TEAD1: variants seen among roughly 807,000 people sequenced by gnomAD.
The protein encoded by TEAD1 is transcriptional enhancer factor TEF-1.
Under a neutral mutation model 54.9 loss-of-function variants are expected in TEAD1, and 9 were observed. The ratio of observed to expected loss-of-function variants is 0.16; its 90% CI spans 0.10 to 0.29. TEAD1 has a LOEUF of 0.29. Among genes scored for constraint, TEAD1 ranks in the 10% least tolerant of loss-of-function variants. TEAD1 has a pLI of 1.00. For synonymous variants in TEAD1, 200 were observed against 187.8 expected (o/e 1.07, Z -0.53); for missense variants, 387 against 535.9 (o/e 0.72, Z 2.74).
chr11:12,706,099 A>G (rs192541673), intron 2 of TEAD1, among the ~76,000 whole-genome samples: 7 of 152,354 alleles, frequency 4.6e-5, no homozygotes. Context: ...ATGCAAAACA[A>G]AATAAATTTG....
intron 4 of TEAD1, among the ~76,000 whole-genome samples, chr11:12,864,357 C>G (rs1034000528): frequency 5.3e-5 from 8 of 152,206 alleles, no homozygotes; most frequent in African/African-American, 1.9e-4. Context: ...AACAGCCCCT[C>G]TCATCCCTCC....
intron 3 of TEAD1, among the ~76,000 whole-genome samples, chr11:12,857,578 C>CTCTCTGTGTGTG (rs1343843895): frequency 4.8e-5 from 7 of 145,750 alleles, no homozygotes; most frequent in African/African-American, 1.8e-4. Context: ...CTCTCTGTCT[C>CTCTCTGTGTGTG]TGTGTGTGTG....
intron 3 of TEAD1, among the ~76,000 whole-genome samples, chr11:12,840,885 A>T (rs1449245349): frequency 6.6e-6 from 1 of 152,064 alleles, no homozygotes; most frequent in Non-Finnish European, 1.5e-5. Flanking sequence ...TTATAGGGAG[A>T]GTTGTACTGG....
rs541836336 is a variant in TEAD1 at position 12,775,301 on chromosome 11, G to T, written c.202+10867G>T. ...TGGAAGGGACTGTTGCTGGGCAGAG[G>T]TTCATCAGGCCTCCCTCACAGTGGC... On this transcript the variant is annotated intron_variant, in intron 3 of 12. Transcript: ENST00000527636. 2.0e-5 allele frequency among the ~76,000 whole-genome samples: 3 copies of T among 152,270 alleles called. No individual in the cohort carries two copies. The East Asian group carries it at 5.8e-4, about 29-fold the overall frequency.
chr11:12,694,615 G>T (rs2133829229), intron 2 of TEAD1, among the ~76,000 whole-genome samples: 1 of 152,262 alleles, frequency 6.6e-6, no homozygotes, highest in South Asian at 2.1e-4. Flanking sequence ...AGTTGGGTTG[G>T]TGTTTCTGTG....
At position 12,901,993 on chromosome 11, in the gene TEAD1, C is replaced by G; in HGVS notation, c.753C>G (p.Asp251Glu). 1 of 1,614,210 alleles carries G rather than the reference C, an allele frequency of 6.2e-7. No homozygotes were observed. Among genetic ancestry groups the G allele is most frequent in the Non-Finnish European group, 8.5e-7 (1 of 1,180,040 alleles). Residue 251 changes from aspartate to glutamate, a missense_variant, in exon 10 of 13, where the codon GAC becomes GAG. Physicochemically the swap from Asp to Glu is conservative, Grantham distance 45. Coordinates refer to ENST00000527636, the MANE Select transcript of TEAD1 (RefSeq NM_021961.6). ...GGCATGCCAACCATTCTTACAGTGA[C>G]CCATTGCTTGAATCAGTGGACATTC...
At chr11:12,803,232 T>C (rs1946100454) in intron 3 of TEAD1, among the ~76,000 whole-genome samples, 1 of 152,106 alleles carries the variant, frequency 6.6e-6, no homozygotes, top group Non-Finnish European at 1.5e-5. Flanking sequence ...TACATTTCCA[T>C]GATTAGTCAT....
At chr11:12,927,301 T>C (rs563257544) in intron 11 of TEAD1, among the ~76,000 whole-genome samples, 121 of 152,362 alleles carry the variant, frequency 7.9e-4, no homozygotes, top group African/African-American at 2.8e-3. Flanking sequence ...AAACCACTTA[T>C]GAAATGATTC....
At chr11:12,891,456 G>A (rs1038227150) in intron 9 of TEAD1, among the ~76,000 whole-genome samples, 5 of 152,218 alleles carry the variant, frequency 3.3e-5, no homozygotes, top group African/African-American at 1.2e-4. Context: ...AGATGTTATG[G>A]AGATAAAATT....
intron 5 of TEAD1, among the ~76,000 whole-genome samples, chr11:12,878,581 CTCTG>C (rs888831250): frequency 2.0e-5 from 3 of 152,134 alleles, no homozygotes; most frequent in Admixed American, 6.5e-5. Flanking sequence ...GAGGCTATTT[CTCTG>C]TCTGTCCTGG....
In TEAD1 at chr11:12,853,427, G is replaced by A. The variant is rs956189873; in HGVS notation, c.203-8823G>A. ...TTGGAAGGTCTTATAACTGAGAACT[G>A]TGTTTTAGGTAGCTGTGTAGAGGAT... On this transcript the variant is annotated intron_variant, in intron 3 of 12. Transcript: ENST00000527636. Among the ~76,000 whole-genome samples, 5 of 152,244 alleles carry A rather than the reference G, an allele frequency of 3.3e-5. No individual in the cohort carries two copies. The South Asian group carries it at 6.2e-4, about 19-fold the overall frequency.
chr11:12,781,655 AAAAC>A (rs201054056), intron 3 of TEAD1, among the ~76,000 whole-genome samples: 1 of 150,936 alleles, frequency 6.6e-6, no homozygotes, highest in South Asian at 2.1e-4. Flanking sequence ...TAAAAAAAAA[AAAAC>A]AGACAATAAC....
intron 2 of TEAD1, among the ~76,000 whole-genome samples, chr11:12,718,013 C>G (rs1013801147): frequency 6.6e-6 from 1 of 152,170 alleles, no homozygotes; most frequent in African/African-American, 2.4e-5. Flanking sequence ...GTGAATCTTT[C>G]TTGTGGTTGT....
chr11:12,864,541 T>C (rs575932972), intron 4 of TEAD1: 21 of 522,770 alleles, frequency 4.0e-5, no homozygotes, highest in African/African-American at 3.5e-4. Flanking sequence ...CAGAGCTTTG[T>C]TGAGATGCAA....
chr11:12,865,255 T>TA, intron 5 of TEAD1: 1 of 229,434 alleles, frequency 4.4e-6, no homozygotes, highest in Non-Finnish European at 8.7e-6. Flanking sequence ...TAGGAAAGCT[T>TA]AAAAAAAGAA....
chr11:12,891,651 C>T (rs1038880141), intron 9 of TEAD1, among the ~76,000 whole-genome samples: 9 of 152,148 alleles, frequency 5.9e-5, no homozygotes, highest in African/African-American at 2.2e-4. Flanking sequence ...TGTTGAAATA[C>T]CTATTAGAGA....
At chr11:12,768,615 G>C (rs977416217) in intron 3 of TEAD1, among the ~76,000 whole-genome samples, 3 of 152,196 alleles carry the variant, frequency 2.0e-5, no homozygotes, top group African/African-American at 7.2e-5. Flanking sequence ...TCTACATCTT[G>C]GACTTTTCTA....
chr11:12,811,606 C>T (rs920950274), intron 3 of TEAD1, among the ~76,000 whole-genome samples: 1 of 152,134 alleles, frequency 6.6e-6, no homozygotes, highest in African/African-American at 2.4e-5. Flanking sequence ...AGAACAAAAA[C>T]AGGAGTCAGG....
chr11:12,821,877 GTCTGCCTCCCC>G (rs1946552896), intron 3 of TEAD1, among the ~76,000 whole-genome samples: 2 of 149,264 alleles, frequency 1.3e-5, no homozygotes, highest in Admixed American at 1.3e-4. Context: ...CTCCTCCGCT[GTCTGCCTCCCC>G]TCTGCCTTAG....
Sources: allele counts gnomAD v4.1 joint callset (sites outside exome capture counted in the v4.1 genomes callset), GRCh38; gene constraint gnomAD v4.1.1; transcripts MANE v1.5; gene names NCBI Gene and HGNC (gene_info 2026-07-23, HGNC 2026-07-21).